The following HDAC9 variants were observed in gnomAD, a reference collection of about 807,000 sequenced individuals.
HDAC9 encodes histone deacetylase 9, also known as MEF-2 interacting transcription repressor (MITR) protein.
In HDAC9, 41 loss-of-function variants were observed where a neutral mutation model predicts 139.4. That is an observed-to-expected ratio of 0.29 (90% confidence interval 0.23 to 0.38). The LOEUF (loss-of-function observed/expected upper bound fraction) is 0.38, where lower values mean the gene tolerates loss of function less well. Among genes scored for constraint, HDAC9 ranks in the 10% least tolerant of loss-of-function variants. The pLI is 1.00. For synonymous variants in HDAC9, 517 were observed against 476.2 expected (o/e 1.09, Z -1.12); for missense variants, 1,147 against 1,297.0 (o/e 0.88, Z 1.78).
chr7:18,380,966 G>A (rs1319707735), intron 1 of HDAC9, among the ~76,000 whole-genome samples: 2 of 151,948 alleles, frequency 1.3e-5, no homozygotes, highest in Non-Finnish European at 2.9e-5. Flanking sequence ...GGGAGGACGA[G>A]GCAGACAGAT....
chr7:18,137,671 G>A (rs1470457227), intron 1 of HDAC9, among the ~76,000 whole-genome samples: 1 of 151,222 alleles, frequency 6.6e-6, no homozygotes, highest in African/African-American at 2.4e-5. Context: ...GATCATGGTG[G>A]ATAAGCTTTT....
intron 12 of HDAC9, among the ~76,000 whole-genome samples, chr7:18,716,837 A>G (rs1478527567): frequency 6.6e-6 from 1 of 151,866 alleles, no homozygotes; most frequent in Non-Finnish European, 1.5e-5. Flanking sequence ...CTTGAATCCA[A>G]TTCCCTCTGC....
At chr7:18,096,750 C>T (rs1184331332) in intron 1 of HDAC9, among the ~76,000 whole-genome samples, 1 of 152,134 alleles carries the variant, frequency 6.6e-6, no homozygotes, top group Non-Finnish European at 1.5e-5. Flanking sequence ...ATTGTTATTT[C>T]CTATTGCTCT....
At chr7:18,302,221 C>T (rs951477303) in intron 1 of HDAC9, among the ~76,000 whole-genome samples, 3 of 152,330 alleles carry the variant, frequency 2.0e-5, no homozygotes, top group South Asian at 2.1e-4. Context: ...TAATCTTACA[C>T]ACTTAATTGA....
chr7:18,467,292 C>A (rs542139163), intron 1 of HDAC9, among the ~76,000 whole-genome samples: 3 of 152,288 alleles, frequency 2.0e-5, no homozygotes, highest in Admixed American at 6.5e-5. Context: ...TCATACCCTA[C>A]CTCTATCAGT....
intron 2 of HDAC9, among the ~76,000 whole-genome samples, chr7:18,505,491 G>T (rs1799513585): frequency 6.6e-6 from 1 of 152,110 alleles, no homozygotes; most frequent in South Asian, 2.1e-4. Flanking sequence ...TACTTATTTT[G>T]AATATATATC....
At chr7:18,566,900 C>G (rs932874723) in intron 2 of HDAC9, among the ~76,000 whole-genome samples, 1 of 152,074 alleles carries the variant, frequency 6.6e-6, no homozygotes, top group Non-Finnish European at 1.5e-5. Context: ...ACTCTAGGAC[C>G]TGGAGGTGAG....
rs533715780 is a variant in HDAC9 at position 18,215,251 on chromosome 7, C to T, written c.25+52902C>T. Among the ~76,000 whole-genome samples, 30 of 151,980 alleles carry T rather than the reference C, an allele frequency of 2.0e-4. No individual in the cohort carries two copies. The East Asian group carries it at 3.9e-3, about 20-fold the overall frequency. On this transcript the variant is annotated intron_variant, in intron 2 of 12. Transcript: ENST00000417496. The stretch of plus-strand genomic sequence containing the variant: ...AAATCTGATACCTCCGTGGGCCAGT[C>T]GAAAAAAGCATTTTGATATCATTAG...
chr7:18,647,306 C>A (rs1787744236), intron 9 of HDAC9, among the ~76,000 whole-genome samples: 1 of 151,988 alleles, frequency 6.6e-6, no homozygotes, highest in South Asian at 2.1e-4. Context: ...TTGTGGTTTA[C>A]AACATAATGA....
chr7:18,129,689 C>T (rs1212992446), intron 1 of HDAC9, among the ~76,000 whole-genome samples: 1 of 152,162 alleles, frequency 6.6e-6, no homozygotes, highest in Non-Finnish European at 1.5e-5. Context: ...CTCATTCATT[C>T]TTAATCCATT....
chr7:18,185,326 T>C (rs1220015268), intron 2 of HDAC9, among the ~76,000 whole-genome samples: 1 of 152,240 alleles, frequency 6.6e-6, no homozygotes. Context: ...ATTTGACTTT[T>C]ATGAGGCTTA....
intron 1 of HDAC9, among the ~76,000 whole-genome samples, chr7:18,343,891 A>G (rs1425570051): frequency 6.6e-6 from 1 of 151,894 alleles, no homozygotes; most frequent in Non-Finnish European, 1.5e-5. Context: ...TTATTTTAGG[A>G]TACCCACTAA....
At chr7:18,682,989 C>A (rs1554327166) in intron 12 of HDAC9, among the ~76,000 whole-genome samples, 2 of 151,330 alleles carry the variant, frequency 1.3e-5, no homozygotes, top group African/African-American at 2.4e-5. Context: ...TCAACAACAA[C>A]AAAAAAAATT....
intron 25 of HDAC9, among the ~76,000 whole-genome samples, chr7:18,991,294 C>G (rs1231505958): frequency 3.9e-5 from 6 of 152,090 alleles, no homozygotes; most frequent in Non-Finnish European, 1.5e-5. Context: ...AAAATACGAA[C>G]TAATATATGA....
intron 2 of HDAC9, among the ~76,000 whole-genome samples, chr7:18,184,463 T>C (rs1789748686): frequency 6.6e-6 from 1 of 152,204 alleles, no homozygotes; most frequent in Admixed American, 6.5e-5. Flanking sequence ...AAACATGAAA[T>C]TAATTTATGT....
At chr7:18,985,064 C>G (rs1044381874) in intron 25 of HDAC9, among the ~76,000 whole-genome samples, 3 of 151,164 alleles carry the variant, frequency 2.0e-5, no homozygotes, top group Non-Finnish European at 4.4e-5. Flanking sequence ...TTTTTTAATT[C>G]TTTTTCTATT....
intron 1 of HDAC9, among the ~76,000 whole-genome samples, chr7:18,299,732 A>G (rs1490713946): frequency 6.6e-6 from 1 of 152,208 alleles, no homozygotes; most frequent in Non-Finnish European, 1.5e-5. Flanking sequence ...TTGGTTGAAA[A>G]GTATGATTGG....
At chr7:18,588,656 C>G (rs1830099770) in intron 3 of HDAC9, among the ~76,000 whole-genome samples, 1 of 152,102 alleles carries the variant, frequency 6.6e-6, no homozygotes, top group African/African-American at 2.4e-5. Context: ...AGGAACATGC[C>G]ATTGGCATGT....
chr7:18,411,436 G>C (rs369447442), intron 1 of HDAC9, among the ~76,000 whole-genome samples: 3 of 151,688 alleles, frequency 2.0e-5, no homozygotes, highest in Non-Finnish European at 2.9e-5. Flanking sequence ...GTGCAGTGGC[G>C]TGATTTTGGC....
Sources: gnomAD v4.1 joint callset for allele counts (sites outside exome capture counted in the v4.1 genomes callset) on GRCh38, gnomAD v4.1.1 for gene constraint, MANE v1.5 for transcripts, NCBI Gene and HGNC (gene_info 2026-07-23, HGNC 2026-07-21) for gene names.